NUP160: variants seen among roughly 807,000 people sequenced by gnomAD.
The protein encoded by NUP160 is nucleoporin 160.
Under a neutral mutation model 196.9 loss-of-function variants are expected in NUP160, and 94 were observed. The observed-to-expected ratio is 0.48, with a 90% CI of 0.40 to 0.57. The LOEUF (loss-of-function observed/expected upper bound fraction) is 0.57, where lower values mean the gene tolerates loss of function less well. Among genes scored for constraint, NUP160 ranks in the 20% least tolerant of loss-of-function variants. The pLI, the probability that NUP160 is intolerant of heterozygous loss-of-function variation, is 0.00. For missense variants in NUP160, 1,638 were observed against 1,748.3 expected (o/e 0.94, Z 1.13); for synonymous variants, 605 against 619.7 (o/e 0.98, Z 0.35).
At chr11:47,836,844 C>A in intron 6 of NUP160, 43 bp downstream of exon 6, 2 of 1,190,374 alleles carry the variant, frequency 1.7e-6, no homozygotes, top group Non-Finnish European at 2.5e-6. Flanking sequence ...TCATGATTCA[C>A]AATCCTGTTT....
chr11:47,816,138 GCATA>G, intron 11 of NUP160, 109 bp from the exon 12 acceptor site: 1 of 694,522 alleles, frequency 1.4e-6, no homozygotes, highest in Non-Finnish European at 2.4e-6. Context: ...TAGAGATTTG[GCATA>G]CCTGGAACAC....
rs150466884 is a variant in NUP160 at position 47,822,864 on chromosome 11, C to A, written c.1102-700G>T. The stretch of plus-strand genomic sequence containing the variant: ...GATAGTTTTCTCAGAATGATGGTTT[C>A]CAGCTTCATCCGTGTCCCTACAAAG... On this transcript the variant is annotated intron_variant, in intron 7 of 35. Transcript: ENST00000378460. 2.3e-3 allele frequency among the ~76,000 whole-genome samples: 354 copies of A among 152,290 alleles called. 2 individuals carry two copies. Among genetic ancestry groups the A allele is most frequent in the African/African-American group, 8.0e-3 (333 of 41,560 alleles).
chr11:47,780,371 T>C (rs1378238523), exon 35 of NUP160: 1 of 1,613,508 alleles, frequency 6.2e-7, no homozygotes, highest in South Asian at 1.1e-5. Context: ...GGCACTGTTC[T>C]CTCCCAGAGC....
At position 47,813,433 on chromosome 11, in the gene NUP160, C is replaced by T; in HGVS notation, c.1687-18G>A. 6.5e-7 allele frequency: 1 copy of T among 1,531,494 alleles called. No individual in the cohort carries two copies. Among genetic ancestry groups the T allele is most frequent in the African/African-American group, 1.4e-5 (1 of 73,238 alleles). The allele number at this position is 1,531,494 out of a possible 1,614,324, so 94.9% of individuals were successfully genotyped here. A position where few individuals can be genotyped will look rare whatever the true frequency, so the allele number is the denominator to read the frequency against. On this transcript the variant is annotated intron_variant, in intron 13 of 35. Transcript: ENST00000378460. ...AGGTACCCCTGGAAATACAAATTTT[C>T]CAGTTACATTTTTGTCAGTAAAATT...
rs1420400817 is a variant in NUP160 at position 47,821,879 on chromosome 11, G to T, written c.1180-58C>A. 6 of 1,362,198 alleles carry T rather than the reference G, an allele frequency of 4.4e-6. No individual in the cohort carries two copies. The African/African-American group carries it at 8.6e-5, about 20-fold the overall frequency. The allele number at this position is 1,362,198 out of a possible 1,614,324, so 84.4% of individuals were successfully genotyped here. ...ATAAGAAAGAAAGTAGTAGTTCACG[G>T]TGACTTACTTTTTCATCAGTAGGAG... On this transcript the variant is annotated intron_variant, in intron 8 of 35. Coordinates refer to ENST00000378460, the Ensembl canonical transcript of NUP160.
At position 47,782,082 on chromosome 11, in the gene NUP160, G is replaced by C. The variant is rs374024649; in HGVS notation, c.4116+991C>G. ...GATCACTTGAGGTTAGGAGTTCCGA[G>C]ACCAGCCTGGCCAACATGGTGAAGC... On this transcript the variant is annotated intron_variant, in intron 34 of 35. Coordinates refer to ENST00000378460, the Ensembl canonical transcript of NUP160. Among the ~76,000 whole-genome samples, 4 of 151,826 alleles carry C rather than the reference G, an allele frequency of 2.6e-5. No homozygotes were observed. The East Asian group carries it at 7.7e-4, about 29-fold the overall frequency.
intron 7 of NUP160, among the ~76,000 whole-genome samples, chr11:47,826,014 G>A (rs1472414681): frequency 1.3e-5 from 2 of 152,138 alleles, no homozygotes; most frequent in Non-Finnish European, 2.9e-5. Context: ...GAAACATAGT[G>A]TATGAAATAT....
intron 31 of NUP160, among the ~76,000 whole-genome samples, chr11:47,787,452 CAG>C (rs1416449077): frequency 1.2e-3 from 126 of 100,906 alleles, no homozygotes; most frequent in African/African-American, 5.0e-3. Context: ...TTTTTTGAAA[CAG>C]AGTCTTGCTT....
At position 47,798,465 on chromosome 11, in the gene NUP160, T is replaced by G; in HGVS notation, c.2896-2A>C. 2.0e-6 allele frequency: 3 copies of G among 1,494,820 alleles called. No individual in the cohort carries two copies. The highest frequency in any genetic ancestry group is 2.8e-6 in the Non-Finnish European group (3 of 1,079,556). 92.6% of individuals were successfully genotyped at this position (1,494,820 alleles called of 1,614,324 possible). The stretch of plus-strand genomic sequence containing the variant: ...AATGACATCTAGTAGTCGTAAAACC[T>G]AACGAGAAATAGAAGAAATTTCCAT... On this transcript the variant is annotated splice_acceptor_variant, in intron 23 of 35. Transcript: ENST00000378460. LOFTEE classifies it high-confidence loss of function.
upstream of NUP160, chr11:47,848,503 G>T: frequency 8.9e-7 from 1 of 1,120,156 alleles, no homozygotes; most frequent in South Asian, 1.5e-5. Flanking sequence ...GAATCCAGAA[G>T]AGAAGGGGGC....
rs1483158119 is a variant in NUP160, at chr11:47,803,683, C to A, written c.2677-147G>T. 5.0e-6 allele frequency: 3 copies of A among 598,836 alleles called. No homozygotes were observed. The South Asian group carries it at 6.3e-5, about 13-fold the overall frequency. 37.1% of individuals were successfully genotyped at this position (598,836 alleles called of 1,614,324 possible). On this transcript the variant is annotated intron_variant, in intron 21 of 35. Transcript: ENST00000378460. ...GACATAATTCTGATATTAAAACCTA[C>A]CCCTGTTGCCTTCCTTCTTCATCCA...
chr11:47,792,238 CT>C (rs1242362521), intron 28 of NUP160: 2 of 405,196 alleles, frequency 4.9e-6, no homozygotes, highest in East Asian at 8.9e-5. Flanking sequence ...TGTAAATCAA[CT>C]AATTTTTCTC....
intron 2 of NUP160, among the ~76,000 whole-genome samples, chr11:47,844,178 C>T (rs11039427): frequency 2.6e-3 from 401 of 152,326 alleles, no homozygotes; most frequent in Non-Finnish European, 4.4e-3. Flanking sequence ...CTGTCACTAC[C>T]ACCCTGATCT....
chr11:47,785,749 C>G (rs1565186331), intron 32 of NUP160, among the ~76,000 whole-genome samples: 2 of 152,168 alleles, frequency 1.3e-5, no homozygotes, highest in African/African-American at 2.4e-5. Context: ...ACTTAGAAGA[C>G]TAGGGTGATT....
chr11:47,803,431 A>T lies in NUP160; in HGVS notation c.2775+7T>A. On this transcript the variant is annotated splice_region_variant and intron_variant, in intron 22 of 35. Transcript: ENST00000378460. ...TAAAGTTTATTTGCCATTCAAATGTAGTTTACCTTCTGTCCTTCTCCTGTA... is the reference window on the plus strand; with the variant it reads ...TAAAGTTTATTTGCCATTCAAATGTTGTTTACCTTCTGTCCTTCTCCTGTA... The T allele has an allele frequency of 1.2e-5, 18 of 1,533,462 alleles. No homozygotes were observed. Among genetic ancestry groups the T allele is most frequent in the Non-Finnish European group, 1.6e-5 (18 of 1,106,920 alleles). The allele number at this position is 1,533,462 out of a possible 1,614,324, so 95.0% of individuals were successfully genotyped here.
chr11:47,795,979 C>A (rs1407235386), intron 27 of NUP160, among the ~76,000 whole-genome samples: 1 of 151,826 alleles, frequency 6.6e-6, no homozygotes, highest in African/African-American at 2.4e-5. Context: ...TGGTGAAACC[C>A]CGTCTCTACT....
At chr11:47,795,927 G>A (rs2097670628) in intron 27 of NUP160, among the ~76,000 whole-genome samples, 1 of 151,958 alleles carries the variant, frequency 6.6e-6, no homozygotes, top group Non-Finnish European at 1.5e-5. Context: ...GGAGGTGGGT[G>A]GATCACCTGA....
chr11:47,840,333 C>G (rs1394258657), intron 3 of NUP160, 45 bp downstream of exon 3: 1 of 1,501,676 alleles, frequency 6.7e-7, no homozygotes, highest in Non-Finnish European at 9.3e-7. Flanking sequence ...TTGTGACACC[C>G]AGAGTAATTT....
intron 10 of NUP160, 91 bp downstream of exon 10, chr11:47,819,283 A>T: frequency 1.1e-6 from 1 of 899,310 alleles, no homozygotes; most frequent in Non-Finnish European, 1.8e-6. Flanking sequence ...ACTGTACCCC[A>T]GCCTGGGCCA....
Sources: allele counts gnomAD v4.1 joint callset (sites outside exome capture counted in the v4.1 genomes callset), GRCh38; gene constraint gnomAD v4.1.1; transcripts MANE v1.5; gene names NCBI Gene and HGNC (gene_info 2026-07-23, HGNC 2026-07-21).